The following KLF7 variants were observed in gnomAD, a reference collection of about 807,000 sequenced individuals.
KLF7 encodes Krueppel-like factor 7.
KLF7 carries 2 observed loss-of-function variants against 27.3 expected under a neutral mutation model. That is an observed-to-expected ratio of 0.07 (90% CI 0.03 to 0.23). KLF7 has a LOEUF of 0.23. Ranked by LOEUF, KLF7 falls within the 10% of genes least tolerant of loss-of-function variation. The pLI, the probability that KLF7 is intolerant of heterozygous loss-of-function variation, is 1.00. For synonymous variants in KLF7, 165 were observed against 162.4 expected (o/e 1.02, Z -0.12); for missense variants, 221 against 394.1 (o/e 0.56, Z 3.72).
intron 1 of KLF7, among the ~76,000 whole-genome samples, chr2:207,157,510 T>C (rs1296387659): frequency 6.6e-6 from 1 of 152,180 alleles, no homozygotes; most frequent in Non-Finnish European, 1.5e-5. Context: ...ATTTACTACA[T>C]GTGAAAAGGG....
rs545931960 is a variant in KLF7 at position 207,140,508 on chromosome 2, G to C, written c.103-16104C>G. 2.6e-4 allele frequency among the ~76,000 whole-genome samples: 39 copies of C among 152,192 alleles called. 1 individual carries two copies. In the South Asian group the frequency reaches 7.7e-3, roughly 30 times the overall value. On this transcript the variant is annotated intron_variant, in intron 1 of 3. Transcript: ENST00000309446. Reference sequence around the variant, plus strand: ...AGGAAAAAAAAGCATGTAAGAAATAGAAGCAACAAGAGGAGTAAAAATAGG... The same window carrying C: ...AGGAAAAAAAAGCATGTAAGAAATACAAGCAACAAGAGGAGTAAAAATAGG...
intron 2 of KLF7, among the ~76,000 whole-genome samples, chr2:207,111,856 G>A (rs1451265373): frequency 6.6e-6 from 1 of 152,034 alleles, no homozygotes; most frequent in African/African-American, 2.4e-5. Flanking sequence ...CCCTGCCCTG[G>A]GTTTCCAGGG....
At chr2:207,172,196 T>TCA (rs2078792197), upstream of KLF7, among the ~76,000 whole-genome samples, 1 of 152,058 alleles carries the variant, frequency 6.6e-6, no homozygotes. Context: ...CCTAAGAAGG[T>TCA]CACTCTCTGA....
intron 3 of KLF7, among the ~76,000 whole-genome samples, chr2:207,086,527 G>C (rs941671574): frequency 2.6e-5 from 4 of 152,184 alleles, no homozygotes; most frequent in Non-Finnish European, 4.4e-5. Flanking sequence ...CAAATTTCTA[G>C]CTCCAGAAAC....
chr2:207,092,294 G>T (rs772585922), intron 2 of KLF7, among the ~76,000 whole-genome samples: 1 of 152,210 alleles, frequency 6.6e-6, no homozygotes, highest in East Asian at 1.9e-4. Context: ...GTCCAGGAAG[G>T]GCATGTGAGT....
intron 1 of KLF7, chr2:207,134,113 C>T (rs917551955): frequency 1.4e-5 from 22 of 1,534,244 alleles, no homozygotes; most frequent in Non-Finnish European, 1.8e-5. Context: ...TCTCCCCTTC[C>T]TCTCCCAAAT....
Position 207,124,288 on chromosome 2 carries a change from G to T in KLF7, c.219C>A (p.Ser73Arg). 1 of 1,614,114 alleles carries T rather than the reference G, an allele frequency of 6.2e-7. No homozygotes were observed. Among genetic ancestry groups the T allele is most frequent in the South Asian group, 1.1e-5 (1 of 91,066 alleles). The change falls in exon 2 of 4, where the codon AGC becomes AGA. Residue 73 changes from serine to arginine, a missense_variant. Physicochemically the swap from Ser to Arg is moderately radical, Grantham distance 110 (BLOSUM62 -1). Around this residue, in one of 3 missense-constraint regions of KLF7, gnomAD observed 180 missense variants for 227.9 expected, o/e 0.79. Transcript: ENST00000309446. ...GCAGCAGGGGGTCTAAGCGACGGAA[G>T]CTTTCCTCAATGCACGGGGGAGGGG... Reference protein sequence around the residue: ...HASPPPCIEESFRRLDPLLLP... With the variant: ...HASPPPCIEERFRRLDPLLLP...
At chr2:207,122,451 T>C (rs2077364205) in intron 2 of KLF7, among the ~76,000 whole-genome samples, 1 of 152,176 alleles carries the variant, frequency 6.6e-6, no homozygotes, top group Non-Finnish European at 1.5e-5. Flanking sequence ...ATATATTATA[T>C]ATTCGAACTT....
chr2:207,120,439 G>T (rs140458846), intron 2 of KLF7, among the ~76,000 whole-genome samples: 1 of 152,216 alleles, frequency 6.6e-6, no homozygotes, highest in East Asian at 1.9e-4. Context: ...TTTCTTCACT[G>T]TATCTCCTTT....
intron 1 of KLF7, among the ~76,000 whole-genome samples, chr2:207,165,209 C>T (rs972964507): frequency 6.6e-6 from 1 of 152,106 alleles, no homozygotes; most frequent in African/African-American, 2.4e-5. Flanking sequence ...ACAACGTGTG[C>T]GCAGGGATGT....
chr2:207,109,525 A>G (rs2076971673), intron 2 of KLF7, among the ~76,000 whole-genome samples: 1 of 152,192 alleles, frequency 6.6e-6, no homozygotes, highest in African/African-American at 2.4e-5. Context: ...TAATGAGAAG[A>G]CTTACCTCAT....
chr2:207,095,028 ATTCTTTTTTTTTTTTTTTTT>A, intron 2 of KLF7, among the ~76,000 whole-genome samples: 1 of 73,478 alleles, frequency 1.4e-5, no homozygotes, highest in African/African-American at 5.0e-5. Flanking sequence ...ATTTGTTTTT[ATTCTTTTTTTTTTTTTTTTT>A]TTTTTTTTCT....
upstream of KLF7, among the ~76,000 whole-genome samples, chr2:207,170,579 T>A (rs1409461383): frequency 6.6e-6 from 1 of 152,194 alleles, no homozygotes; most frequent in African/African-American, 2.4e-5. Context: ...GACAGGTTGA[T>A]TCTCTTGTTA....
chr2:207,165,308 A>G (rs2078675283), intron 1 of KLF7, among the ~76,000 whole-genome samples, 159 bp downstream of exon 1: 1 of 152,148 alleles, frequency 6.6e-6, no homozygotes, highest in Non-Finnish European at 1.5e-5. Flanking sequence ...GTAAGCGCAG[A>G]TGACTGTTTC....
chr2:207,111,129 C>T (rs2077025511), intron 2 of KLF7, among the ~76,000 whole-genome samples: 1 of 152,204 alleles, frequency 6.6e-6, no homozygotes. Flanking sequence ...TTGAGAACCA[C>T]CACATTAGGC....
At chr2:207,127,725 C>T (rs2077519119) in intron 1 of KLF7, among the ~76,000 whole-genome samples, 1 of 151,994 alleles carries the variant, frequency 6.6e-6, no homozygotes, top group South Asian at 2.1e-4. Context: ...CACCTGTAAT[C>T]CCAGCTACTC....
At chr2:207,123,643 G>C (rs2077398189) in intron 2 of KLF7, 131 bp downstream of exon 2, 1 of 939,850 alleles carries the variant, frequency 1.1e-6, no homozygotes, top group Non-Finnish European at 1.6e-6. Flanking sequence ...TCCCTACCTG[G>C]GGCCTCCCGC....
chr2:207,168,253 CAT>C (rs1367098686), upstream of KLF7, among the ~76,000 whole-genome samples: 1 of 152,160 alleles, frequency 6.6e-6, no homozygotes, highest in Non-Finnish European at 1.5e-5. Flanking sequence ...TAAAATAGGA[CAT>C]ATCGGTTAAC....
intron 1 of KLF7, among the ~76,000 whole-genome samples, chr2:207,159,994 T>C (rs773998558): frequency 2.6e-5 from 4 of 152,188 alleles, no homozygotes; most frequent in Non-Finnish European, 2.9e-5. Flanking sequence ...GGTAAAAGCA[T>C]GTCCCAGTAA....
Sources: allele counts gnomAD v4.1 joint callset (sites outside exome capture counted in the v4.1 genomes callset), GRCh38; gene constraint gnomAD v4.1.1; regional missense constraint gnomAD v4.1.1; transcripts MANE v1.5; gene names NCBI Gene and HGNC (gene_info 2026-07-23, HGNC 2026-07-21).